The following CDH13 variants were observed in gnomAD, a reference collection of about 807,000 sequenced individuals.
CDH13 encodes cadherin-13.
In CDH13, 24 loss-of-function variants were observed where a neutral mutation model predicts 63.8. The ratio of observed to expected loss-of-function variants is 0.38; its 90% CI spans 0.27 to 0.53. CDH13 has a LOEUF of 0.53. CDH13 is among the 20% of genes least tolerant of loss of function. The pLI is 0.85. For synonymous variants in CDH13, 503 were observed against 355.3 expected (o/e 1.42, Z -4.67); for missense variants, 1,049 against 903.1 (o/e 1.16, Z -2.07).
chr16:83,662,814 G>A (rs1913563796), intron 8 of CDH13, among the ~76,000 whole-genome samples: 2 of 152,178 alleles, frequency 1.3e-5, no homozygotes, highest in Non-Finnish European at 2.9e-5. Context: ...ACCTGCTCAA[G>A]GCAGCTGGAG....
At chr16:83,444,283 T>A (rs2151500102) in intron 6 of CDH13, among the ~76,000 whole-genome samples, 1 of 152,276 alleles carries the variant, frequency 6.6e-6, no homozygotes, top group South Asian at 2.1e-4. Flanking sequence ...CCTTGCTAGG[T>A]AACAGATATG....
chr16:83,629,726 A>C (rs1392419887), intron 8 of CDH13, among the ~76,000 whole-genome samples: 2 of 152,216 alleles, frequency 1.3e-5, no homozygotes, highest in Non-Finnish European at 2.9e-5. Flanking sequence ...AATATCCTCG[A>C]CACAATTTAA....
chr16:83,609,795 T>C (rs1478213054), intron 8 of CDH13, among the ~76,000 whole-genome samples: 1 of 152,210 alleles, frequency 6.6e-6, no homozygotes, highest in Non-Finnish European at 1.5e-5. Flanking sequence ...TTCACAGAGT[T>C]GTCGAATTAT....
chr16:83,558,794 C>A (rs185998399), intron 7 of CDH13, among the ~76,000 whole-genome samples: 2 of 152,278 alleles, frequency 1.3e-5, no homozygotes, highest in Admixed American at 1.3e-4. Flanking sequence ...GAAATAACTT[C>A]AGGGAAAGGG....
At chr16:82,640,197 A>C (rs3910230) in intron 1 of CDH13, among the ~76,000 whole-genome samples, 107,056 of 152,108 alleles carry the variant, frequency 0.7, 38,737 homozygotes, top group East Asian at 1. Context: ...TGTCCACCAC[A>C]CCCTCTTGGG....
chr16:83,777,003 C>A (rs1915162201), intron 11 of CDH13, among the ~76,000 whole-genome samples: 1 of 152,124 alleles, frequency 6.6e-6, no homozygotes, highest in South Asian at 2.1e-4. Context: ...ACAATCAAGA[C>A]TGAACCGCTG....
At chr16:83,345,075 T>C (rs1342686968) in intron 6 of CDH13, 69 bp downstream of exon 6, 6 of 1,553,382 alleles carry the variant, frequency 3.9e-6, no homozygotes, top group Non-Finnish European at 5.3e-6. Flanking sequence ...TTGTGGATTC[T>C]AGGGACTGTC....
At chr16:83,353,079 C>A (rs146705553) in intron 6 of CDH13, among the ~76,000 whole-genome samples, 1 of 152,046 alleles carries the variant, frequency 6.6e-6, no homozygotes, top group African/African-American at 2.4e-5. Context: ...AGGGTGGAAG[C>A]GTGGCAAGGG....
intron 4 of CDH13, among the ~76,000 whole-genome samples, chr16:83,176,277 T>C (rs1021827773): frequency 1.3e-5 from 2 of 151,954 alleles, no homozygotes; most frequent in African/African-American, 4.8e-5. Flanking sequence ...TTTGGGAGGC[T>C]GAGGCAGGCA....
chr16:83,725,272 T>G (rs1051582720), intron 10 of CDH13, among the ~76,000 whole-genome samples: 1 of 152,162 alleles, frequency 6.6e-6, no homozygotes, highest in Non-Finnish European at 1.5e-5. Flanking sequence ...GCTAGATCCG[T>G]TCACTCAACA....
At chr16:82,922,916 C>G (rs147451227) in intron 2 of CDH13, among the ~76,000 whole-genome samples, 393 of 152,178 alleles carry the variant, frequency 2.6e-3, no homozygotes, top group Non-Finnish European at 4.2e-3. Flanking sequence ...CAACGGCAAT[C>G]AAGGAAATAT....
chr16:82,718,861 G>A (rs1025580965), intron 1 of CDH13, among the ~76,000 whole-genome samples: 24 of 152,162 alleles, frequency 1.6e-4, no homozygotes, highest in African/African-American at 4.3e-4. Flanking sequence ...GATGAAATTT[G>A]GATGGGGACA....
intron 2 of CDH13, among the ~76,000 whole-genome samples, chr16:82,963,952 C>CTCCTTTGTGGGAGTCCCACACACCG (rs1907424757): frequency 1.3e-5 from 2 of 152,210 alleles, no homozygotes. Context: ...ACATCAGTGA[C>CTCCTTTGTGGGAGTCCCACACACCG]TCCTTTGTGG....
At chr16:83,383,756 A>G (rs1318182355) in intron 6 of CDH13, among the ~76,000 whole-genome samples, 2 of 152,112 alleles carry the variant, frequency 1.3e-5, no homozygotes, top group African/African-American at 2.4e-5. Flanking sequence ...TTATACAATG[A>G]GATATTCTGA....
At chr16:83,234,112 C>T (rs1312731581) in intron 5 of CDH13, among the ~76,000 whole-genome samples, 4 of 152,180 alleles carry the variant, frequency 2.6e-5, no homozygotes, top group African/African-American at 7.2e-5. Flanking sequence ...TGGATGAACC[C>T]CCAGGGGCAA....
intron 1 of CDH13, chr16:82,773,371 G>A (rs1167425079): frequency 2.6e-5 from 4 of 152,292 alleles, no homozygotes; most frequent in Non-Finnish European, 5.9e-5. Flanking sequence ...TGAAGGGTCT[G>A]GAAGTGGAAG....
intron 7 of CDH13, among the ~76,000 whole-genome samples, chr16:83,523,441 A>T (rs2074886261): frequency 6.6e-6 from 1 of 152,096 alleles, no homozygotes; most frequent in Non-Finnish European, 1.5e-5. Flanking sequence ...CTGTCTTGTC[A>T]TATGTACCCT....
chr16:83,571,658 C>A (rs1904635071), intron 7 of CDH13, among the ~76,000 whole-genome samples: 1 of 152,186 alleles, frequency 6.6e-6, no homozygotes, highest in Admixed American at 6.5e-5. Context: ...CCAGCACAGG[C>A]AGTTTGCTCC....
intron 5 of CDH13, among the ~76,000 whole-genome samples, chr16:83,230,523 C>A (rs1055902510): frequency 2.0e-5 from 3 of 152,314 alleles, no homozygotes; most frequent in Middle Eastern, 3.4e-3. Flanking sequence ...CGGTGGCTCA[C>A]ACCTGTAATC....
Sources: allele counts gnomAD v4.1 joint callset (sites outside exome capture counted in the v4.1 genomes callset), GRCh38; gene constraint gnomAD v4.1.1; transcripts MANE v1.5; gene names NCBI Gene and HGNC (gene_info 2026-07-23, HGNC 2026-07-21).